The following GALNT13 variants were observed in gnomAD, a reference collection of about 807,000 sequenced individuals.
GALNT13 encodes the protein UDP-GalNAc:polypeptide N-acetylgalactosaminyltransferase 13.
In GALNT13, 28 loss-of-function variants were observed where a neutral mutation model predicts 64.2. That is an observed-to-expected ratio of 0.44 (90% CI 0.32 to 0.60). The LOEUF is 0.60. Among genes scored for constraint, GALNT13 ranks in the 20% least tolerant of loss-of-function variants. The pLI is 0.05. For missense variants in GALNT13, 577 were observed against 669.8 expected (o/e 0.86, Z 1.53); for synonymous variants, 214 against 224.6 (o/e 0.95, Z 0.42).
the GALNT13 span, among the ~76,000 whole-genome samples, chr2:153,331,940 A>G: frequency 1.3e-5 from 2 of 152,042 alleles, no homozygotes; most frequent in African/African-American, 4.8e-5. Context: ...TATTTACTCT[A>G]AATTTTTATA....
downstream of GALNT13, among the ~76,000 whole-genome samples, chr2:154,454,133 C>G (rs1223534999): frequency 6.6e-6 from 1 of 152,048 alleles, no homozygotes; most frequent in Non-Finnish European, 1.5e-5. Flanking sequence ...CTAAATTTAT[C>G]TTCTAAGTGC....
the GALNT13 span, among the ~76,000 whole-genome samples, chr2:153,368,870 CT>C: frequency 2.6e-5 from 4 of 151,630 alleles, no homozygotes; most frequent in East Asian, 7.8e-4. Flanking sequence ...GCAGCACATA[CT>C]TTACTTTAAA....
intron 4 of GALNT13, 47 bp from the exon 5 acceptor site, chr2:154,241,983 G>T: frequency 8.2e-7 from 1 of 1,221,998 alleles, no homozygotes; most frequent in Non-Finnish European, 1.1e-6. Context: ...AAATAATCAG[G>T]ATAAAAAATG....
chr2:154,339,477 G>A (rs984494698), intron 9 of GALNT13, among the ~76,000 whole-genome samples: 1 of 152,140 alleles, frequency 6.6e-6, no homozygotes, highest in African/African-American at 2.4e-5. Flanking sequence ...AATAAGAACT[G>A]TGTTGGCCAA....
chr2:153,836,360 T>C, the GALNT13 span, among the ~76,000 whole-genome samples: 2 of 152,064 alleles, frequency 1.3e-5, no homozygotes, highest in Admixed American at 1.3e-4. Flanking sequence ...AAATCTACTC[T>C]TAGCAAATTT....
At chr2:154,445,433 G>A (rs905006026) in intron 12 of GALNT13, among the ~76,000 whole-genome samples, 1 of 151,650 alleles carries the variant, frequency 6.6e-6, no homozygotes, top group Non-Finnish European at 1.5e-5. Context: ...TCCAAGAAAA[G>A]TTCACTTCAA....
the GALNT13 span, among the ~76,000 whole-genome samples, chr2:153,638,385 A>T: frequency 6.6e-6 from 1 of 152,082 alleles, no homozygotes; most frequent in Non-Finnish European, 1.5e-5. Flanking sequence ...ACAAGGAGAT[A>T]TTGCAAAAAT....
the GALNT13 span, among the ~76,000 whole-genome samples, chr2:153,736,623 CTCTA>C: frequency 9.4e-4 from 143 of 152,158 alleles, no homozygotes; most frequent in South Asian, 2.7e-3. Flanking sequence ...CTATATCATT[CTCTA>C]TCTATCTATC....
chr2:153,513,949 C>T, the GALNT13 span, among the ~76,000 whole-genome samples: 1 of 152,272 alleles, frequency 6.6e-6, no homozygotes, highest in East Asian at 1.9e-4. Context: ...ATTCTTGCCA[C>T]CCTAGAATTG....
chr2:153,239,176 A>G, the GALNT13 span, among the ~76,000 whole-genome samples: 7 of 152,056 alleles, frequency 4.6e-5, no homozygotes, highest in Non-Finnish European at 4.4e-5. Context: ...AGATTTTAGT[A>G]TGGTGATTTT....
At chr2:154,094,823 A>G (rs1701996976) in intron 3 of GALNT13, among the ~76,000 whole-genome samples, 1 of 151,802 alleles carries the variant, frequency 6.6e-6, no homozygotes, top group Non-Finnish European at 1.5e-5. Context: ...CAGATTTCTT[A>G]ATCTTATGCA....
intron 9 of GALNT13, among the ~76,000 whole-genome samples, chr2:154,304,325 C>T (rs893018689): frequency 2.6e-5 from 4 of 152,088 alleles, no homozygotes; most frequent in African/African-American, 9.7e-5. Flanking sequence ...ATGTAATATT[C>T]AAAGCAAGGC....
At chr2:154,055,512 G>C (rs1388808381) in intron 3 of GALNT13, among the ~76,000 whole-genome samples, 1 of 151,986 alleles carries the variant, frequency 6.6e-6, no homozygotes. Flanking sequence ...AAGGTAAGCA[G>C]GTAATTATAA....
chr2:154,409,181 A>G (rs757930103), intron 11 of GALNT13, 99 bp downstream of exon 11: 2 of 782,438 alleles, frequency 2.6e-6, no homozygotes, highest in South Asian at 1.4e-5. Flanking sequence ...CTATAAACTG[A>G]GCTTAATAAA....
intron 9 of GALNT13, among the ~76,000 whole-genome samples, chr2:154,331,469 A>AT (rs147714010): frequency 2.0e-5 from 3 of 150,562 alleles, no homozygotes; most frequent in African/African-American, 7.3e-5. Flanking sequence ...TGCCCACACA[A>AT]TTTTTTTTTT....
chr2:153,828,920 C>T, the GALNT13 span, among the ~76,000 whole-genome samples: 23 of 152,204 alleles, frequency 1.5e-4, no homozygotes, highest in African/African-American at 5.3e-4. Flanking sequence ...AATCATCTCT[C>T]TTGAGTCTGA....
the GALNT13 span, among the ~76,000 whole-genome samples, chr2:153,480,928 A>G: frequency 6.6e-6 from 1 of 152,178 alleles, no homozygotes; most frequent in Non-Finnish European, 1.5e-5. Context: ...TAGTTGAATC[A>G]TTATCAGAAT....
chr2:153,261,563 G>A, the GALNT13 span, among the ~76,000 whole-genome samples: 1 of 152,142 alleles, frequency 6.6e-6, no homozygotes, highest in South Asian at 2.1e-4. Flanking sequence ...GAAATGCCTG[G>A]ATCTGGGGGA....
At chr2:153,474,501 C>T in the GALNT13 span, among the ~76,000 whole-genome samples, 1,834 of 152,260 alleles carry the variant, frequency 0.012, 17 homozygotes, top group Non-Finnish European at 0.02. Flanking sequence ...GTAGTGTGAC[C>T]TCTGCTTTCA....
Sources: gnomAD v4.1 joint callset for allele counts (sites outside exome capture counted in the v4.1 genomes callset) on GRCh38, gnomAD v4.1.1 for gene constraint, MANE v1.5 for transcripts, NCBI Gene and HGNC (gene_info 2026-07-23, HGNC 2026-07-21) for gene names.